The following PDE9A variants were observed in gnomAD, a reference collection of about 807,000 sequenced individuals.
PDE9A encodes the protein high affinity cGMP-specific 3',5'-cyclic phosphodiesterase 9A.
In PDE9A, 60 loss-of-function variants were observed where a neutral mutation model predicts 87.4. The ratio of observed to expected loss-of-function variants is 0.69; its 90% CI spans 0.56 to 0.85. The LOEUF (loss-of-function observed/expected upper bound fraction) is 0.85, where lower values mean the gene tolerates loss of function less well. PDE9A is among the 40% of genes least tolerant of loss of function. The pLI, the probability that PDE9A is intolerant of heterozygous loss-of-function variation, is 0.00. For missense variants in PDE9A, 665 were observed against 779.0 expected (o/e 0.85, Z 1.74); for synonymous variants, 272 against 279.4 (o/e 0.97, Z 0.27).
At chr21:42,774,451 T>A (rs554731421) in intron 19 of PDE9A, among the ~76,000 whole-genome samples, 1 of 152,356 alleles carries the variant, frequency 6.6e-6, no homozygotes, top group East Asian at 1.9e-4. Flanking sequence ...CTGGTCCCGA[T>A]GAAGTGCTCA....
rs77000030 is a variant in PDE9A at position 42,689,142 on chromosome 21, C to T, written c.218+1148C>T. Among the ~76,000 whole-genome samples the T allele has an allele frequency of 5.3e-3, 800 of 151,770 alleles. 17 individuals carry two copies. Among genetic ancestry groups the T allele is most frequent in the East Asian group, 0.022 (115 of 5,146 alleles). ...AGGTCCCAGTGGACATGGCCAGCGC[C>T]GCCCCCCTCAGTGAGGCTTCAGTGG... On this transcript the variant is annotated intron_variant, in intron 3 of 19. Coordinates refer to ENST00000291539, the MANE Select transcript of PDE9A (RefSeq NM_002606.3).
chr21:42,719,306 A>G (rs983769471), intron 4 of PDE9A, among the ~76,000 whole-genome samples: 1 of 151,712 alleles, frequency 6.6e-6, no homozygotes, highest in African/African-American at 2.4e-5. Flanking sequence ...AGCCATCTAC[A>G]TTATAAGGGC....
chr21:42,690,298 G>A lies in PDE9A; in HGVS notation c.218+2304G>A, dbSNP rs531695930. The stretch of plus-strand genomic sequence containing the variant: ...AGGTGGAGAAGAGGAAGTTAGACGC[G>A]GATGAGGATATAGATAGATGCATAG... On this transcript the variant is annotated intron_variant, in intron 3 of 19. Transcript: ENST00000291539. Among the ~76,000 whole-genome samples the A allele has an allele frequency of 7.7e-4, 117 of 152,256 alleles. 1 individual carries two copies. Among genetic ancestry groups the A allele is most frequent in the Middle Eastern group, 3.4e-3 (1 of 294 alleles).
intron 4 of PDE9A, among the ~76,000 whole-genome samples, chr21:42,724,203 A>C (rs1291282729): frequency 1.3e-5 from 2 of 152,162 alleles, no homozygotes; most frequent in Non-Finnish European, 2.9e-5. Context: ...CCCAAGGATG[A>C]TGACACCCCA....
chr21:42,746,340 C>T (rs1381109660), intron 8 of PDE9A, among the ~76,000 whole-genome samples: 1 of 152,176 alleles, frequency 6.6e-6, no homozygotes, highest in African/African-American at 2.4e-5. Context: ...AAATGTATTC[C>T]CACATAGTTC....
chr21:42,763,184 G>C (rs898520488), intron 14 of PDE9A, among the ~76,000 whole-genome samples: 1 of 152,232 alleles, frequency 6.6e-6, no homozygotes, highest in African/African-American at 2.4e-5. Context: ...ATTTGCAGGG[G>C]AGGGAAGCTC....
At chr21:42,698,917 A>G (rs749495400) in intron 3 of PDE9A, 51 bp from the exon 4 acceptor site, 1 of 1,335,818 alleles carries the variant, frequency 7.5e-7, no homozygotes, top group Admixed American at 1.8e-5. Context: ...TGCCAGGCAT[A>G]CAGCGAGCGC....
At chr21:42,673,553 A>G (rs2058676332) in intron 1 of PDE9A, among the ~76,000 whole-genome samples, 1 of 152,234 alleles carries the variant, frequency 6.6e-6, no homozygotes, top group South Asian at 2.1e-4. Flanking sequence ...TATGAAGCAT[A>G]TATAAACAGT....
At chr21:42,721,776 C>T (rs1290173071) in intron 4 of PDE9A, among the ~76,000 whole-genome samples, 1 of 152,020 alleles carries the variant, frequency 6.6e-6, no homozygotes, top group Non-Finnish European at 1.5e-5. Context: ...GCCCTTCCTC[C>T]AAAGAGCCTT....
At chr21:42,712,420 T>A (rs528528411) in intron 4 of PDE9A, among the ~76,000 whole-genome samples, 1 of 152,262 alleles carries the variant, frequency 6.6e-6, no homozygotes, top group East Asian at 1.9e-4. Flanking sequence ...GTTGTTGTTT[T>A]ATAGGTTCCT....
intron 1 of PDE9A, among the ~76,000 whole-genome samples, chr21:42,671,908 C>G (rs1440396357): frequency 1.3e-5 from 2 of 152,184 alleles, no homozygotes; most frequent in Non-Finnish European, 2.9e-5. Context: ...GTCCTGCAGG[C>G]TGATTTGGTC....
rs1188086113 is a variant in PDE9A at position 42,722,163 on chromosome 21, A to T, written c.263-9607A>T. Reference sequence around the variant, plus strand: ...GCTAATTTTTTTGTATTTTTAGTAGAGACGGAGTTTCACCATGTTGGCCAG... The same window carrying T: ...GCTAATTTTTTTGTATTTTTAGTAGTGACGGAGTTTCACCATGTTGGCCAG... On this transcript the variant is annotated intron_variant, in intron 4 of 19. Transcript: ENST00000291539. The surrounding 1 kb of genome is among the most constrained non-coding windows in gnomAD (Gnocchi z 4.1). Among the ~76,000 whole-genome samples the T allele has an allele frequency of 6.6e-6, 1 of 152,010 alleles. No individual in the cohort carries two copies. Among genetic ancestry groups the T allele is most frequent in the Non-Finnish European group, 1.5e-5 (1 of 67,982 alleles).
rs2060109823 is a variant in PDE9A at position 42,695,774 on chromosome 21, C to T, written c.219-3194C>T. On this transcript the variant is annotated intron_variant, in intron 3 of 19. Transcript: ENST00000291539. The surrounding 1 kb of genome is among the most constrained non-coding windows in gnomAD (Gnocchi z 4.3). ...GAAGCTGGAGGCAAGCTTATCCTTT[C>T]CAAAGAGGGAGTGCTTCCTGTGTTA... Among the ~76,000 whole-genome samples the T allele has an allele frequency of 6.6e-6, 1 of 152,232 alleles. No homozygotes were observed. The highest frequency in any genetic ancestry group is 1.5e-5 in the Non-Finnish European group (1 of 68,038).
intron 13 of PDE9A, among the ~76,000 whole-genome samples, chr21:42,761,243 G>A (rs972367188): frequency 2.0e-5 from 3 of 152,250 alleles, no homozygotes; most frequent in African/African-American, 7.2e-5. Context: ...CGCATGCAGG[G>A]ATGGGGGCTC....
At position 42,775,438 on chromosome 21, in the gene PDE9A, A is replaced by AG. The variant is rs1179994966; in HGVS notation, c.*145_*146insG. ...TTTGTTCACTGATACAAAAAAAAAA[A>AG]AAGGAATTCATGATGCTGTACAGAA... is the stretch of plus-strand genomic sequence containing the variant. On this transcript the variant is annotated 3_prime_UTR_variant, in exon 20 of 20. Coordinates refer to ENST00000291539, the MANE Select transcript of PDE9A (RefSeq NM_002606.3). 1.6e-6 allele frequency: 1 copy of AG among 620,382 alleles called. No homozygotes were observed. The highest frequency in any genetic ancestry group is 2.9e-5 in the East Asian group (1 of 34,156). The allele number at this position is 620,382 out of a possible 1,614,324, so 38.4% of individuals were successfully genotyped here.
chr21:42,750,603 G>A (rs570761796), intron 8 of PDE9A, among the ~76,000 whole-genome samples: 1 of 148,396 alleles, frequency 6.7e-6, no homozygotes, highest in Non-Finnish European at 1.5e-5. Context: ...TTTCGCTCTT[G>A]TTGCCCAGAC....
intron 7 of PDE9A, among the ~76,000 whole-genome samples, chr21:42,740,906 G>C (rs2053181394): frequency 6.6e-6 from 1 of 152,116 alleles, no homozygotes; most frequent in Non-Finnish European, 1.5e-5. Context: ...TAGGATCCTA[G>C]ACAAGTTTTT....
intron 1 of PDE9A, among the ~76,000 whole-genome samples, chr21:42,667,762 T>A (rs2058105628): frequency 6.6e-6 from 1 of 152,060 alleles, no homozygotes; most frequent in Admixed American, 6.6e-5. Context: ...CCGTGGCAAG[T>A]TCCCTCCTCC....
Position 42,692,550 on chromosome 21 carries a change from C to G in PDE9A, c.218+4556C>G, listed in dbSNP as rs2059906384. On this transcript the variant is annotated intron_variant, in intron 3 of 19. Coordinates refer to ENST00000291539, the MANE Select transcript of PDE9A (RefSeq NM_002606.3). The surrounding 1 kb of genome is among the most constrained non-coding windows in gnomAD (Gnocchi z 4.3). ...AATCCGCAGGGGGCTTGGTGGAGCA[C>G]AGAGCTCCCCTCAGTCTCTGGTTTG... 6.6e-6 allele frequency among the ~76,000 whole-genome samples: 1 copy of G among 152,126 alleles called. No individual in the cohort carries two copies. Among genetic ancestry groups the G allele is most frequent in the Non-Finnish European group, 1.5e-5 (1 of 68,016 alleles).
Sources: gnomAD v4.1 joint callset for allele counts (sites outside exome capture counted in the v4.1 genomes callset) on GRCh38, gnomAD v4.1.1 for gene constraint, Gnocchi (gnomAD v3.1) non-coding constraint, MANE v1.5 for transcripts, NCBI Gene and HGNC (gene_info 2026-07-23, HGNC 2026-07-21) for gene names.